PAG1: variants seen among roughly 807,000 people sequenced by gnomAD.
PAG1 encodes phosphoprotein associated with glycosphingolipid-enriched microdomains 1.
Under a neutral mutation model 31.7 loss-of-function variants are expected in PAG1, and 23 were observed. The observed-to-expected ratio is 0.73, with a 90% CI of 0.52 to 1.03. The LOEUF (loss-of-function observed/expected upper bound fraction) is 1.03. Among genes scored for constraint, PAG1 ranks in the 50% least tolerant of loss-of-function variants. The pLI, the probability that PAG1 is intolerant of heterozygous loss-of-function variation, is 0.00. For missense variants in PAG1, 473 were observed against 540.7 expected, an observed-to-expected ratio of 0.87 and a Z score of 1.24; for synonymous variants, 214 against 210.3, an observed-to-expected ratio of 1.02 and a Z score of -0.15.
Position 80,982,137 on chromosome 8 carries a change from A to G in PAG1, c.877-1643T>C, listed in dbSNP as rs182753149. ...CACCTCGGCCTCCCAAAGTGTTACG[A>G]TTACAGGCATGAGTCACTGCGCCCA... On this transcript the variant is annotated intron_variant, in intron 7 of 8. Coordinates refer to ENST00000220597, the MANE Select transcript of PAG1 (RefSeq NM_018440.4). Among the ~76,000 whole-genome samples the G allele has an allele frequency of 6.3e-3, 956 of 152,242 alleles. 19 individuals are homozygous for G. Among genetic ancestry groups the G allele is most frequent in the African/African-American group, 0.022 (902 of 41,526 alleles).
At chr8:81,043,932 C>A (rs1221023037) in intron 2 of PAG1, among the ~76,000 whole-genome samples, 1 of 152,188 alleles carries the variant, frequency 6.6e-6, no homozygotes, top group Admixed American at 6.5e-5. Flanking sequence ...CCCTGACTTT[C>A]TAGTTTTGCT....
At chr8:81,091,749 G>A (rs867821054) in intron 1 of PAG1, among the ~76,000 whole-genome samples, 11 of 152,042 alleles carry the variant, frequency 7.2e-5, no homozygotes, top group Middle Eastern at 3.4e-3. Flanking sequence ...CTCCATGAAA[G>A]CTTCAACAAG....
At chr8:80,997,351 G>T (rs1807701099) in intron 3 of PAG1, among the ~76,000 whole-genome samples, 1 of 152,090 alleles carries the variant, frequency 6.6e-6, no homozygotes, top group African/African-American at 2.4e-5. Flanking sequence ...GATTACTGCA[G>T]CCTCGACCTC....
intron 3 of PAG1, among the ~76,000 whole-genome samples, chr8:81,025,063 C>T (rs1220173142): frequency 6.6e-6 from 1 of 152,120 alleles, no homozygotes; most frequent in African/African-American, 2.4e-5. Context: ...CAATAGCTAT[C>T]AGTTTAAAAA....
At chr8:81,102,680 A>G (rs561666494) in intron 1 of PAG1, among the ~76,000 whole-genome samples, 1 of 152,326 alleles carries the variant, frequency 6.6e-6, no homozygotes, top group Admixed American at 6.5e-5. Context: ...CTTCAATAGT[A>G]GCAAAATTAG....
intron 1 of PAG1, among the ~76,000 whole-genome samples, chr8:81,100,844 T>G (rs1416020564): frequency 6.6e-6 from 1 of 152,202 alleles, no homozygotes; most frequent in Non-Finnish European, 1.5e-5. Flanking sequence ...GGCTGACAGT[T>G]TTTAGGAAAT....
intron 1 of PAG1, among the ~76,000 whole-genome samples, chr8:81,074,931 G>A (rs1422629753): frequency 6.6e-6 from 1 of 152,162 alleles, no homozygotes; most frequent in Non-Finnish European, 1.5e-5. Flanking sequence ...TCATGCTCTT[G>A]TTCTGCCAGG....
At position 80,990,222 on chromosome 8, in the gene PAG1, G is replaced by A. The variant is rs775938494; in HGVS notation, c.177+1257C>T. 6.6e-6 allele frequency among the ~76,000 whole-genome samples: 1 copy of A among 152,120 alleles called. No individual in the cohort carries two copies. The highest frequency in any genetic ancestry group is 1.5e-5 in the Non-Finnish European group (1 of 68,012). On this transcript the variant is annotated intron_variant, in intron 5 of 8. Coordinates refer to ENST00000220597, the MANE Select transcript of PAG1 (RefSeq NM_018440.4). This position sits in a 1 kb window ranked among gnomAD's most constrained non-coding sequence, Gnocchi z 5.1. ...CGAAGGGTGAGGTGGGCATGTGGAT[G>A]CAGAGGGGAGGGAAGGAAAATCCTG...
In PAG1 at chr8:80,987,441, C is replaced by G; in HGVS notation, c.203G>C (p.Arg68Pro). 1 of 1,613,622 alleles carries G rather than the reference C, an allele frequency of 6.2e-7. No homozygotes were observed. Among genetic ancestry groups the G allele is most frequent in the Non-Finnish European group, 8.5e-7 (1 of 1,179,602 alleles). ...NVPSDKEMFS[R>P]SVTSLATDAP... is the part of the protein sequence containing the mutation. ...ATCTGTTGCCAGGCTAGTAACTGAA[C>G]GGCTGAACATCTCCTTGTCTGAAGG... The change falls in exon 6 of 9, where the codon CGT (arginine) becomes CCT (proline). Residue 68 changes from arginine to proline, a missense_variant. Physicochemically the swap from Arg to Pro is moderately radical, Grantham distance 103. Transcript: ENST00000220597.
In PAG1 at chr8:80,969,487, A is replaced by G; in HGVS notation, c.*7057T>C. ...CTCTTTAAGCTTAAGAAAAGGAAATAGTTTGCTTTAAACTCATGGTTTCCA... is the reference window on the plus strand; with the variant it reads ...CTCTTTAAGCTTAAGAAAAGGAAATGGTTTGCTTTAAACTCATGGTTTCCA... On this transcript the variant is annotated 3_prime_UTR_variant, in exon 9 of 9. Transcript: ENST00000220597. 1 of 152,228 alleles carries G rather than the reference A, an allele frequency of 6.6e-6. No homozygotes were observed. The highest frequency in any genetic ancestry group is 1.9e-4 in the East Asian group (1 of 5,192). 9.4% of individuals were successfully genotyped at this position (152,228 alleles called of 1,614,324 possible).
chr8:80,987,238 T>C, intron 6 of PAG1, 132 bp downstream of exon 6: 1 of 631,150 alleles, frequency 1.6e-6, no homozygotes, highest in Non-Finnish European at 2.9e-6. Context: ...TGAGGGGTTC[T>C]GCTAAAACTG....
At chr8:81,018,425 G>C (rs1163029373) in intron 3 of PAG1, among the ~76,000 whole-genome samples, 2 of 152,170 alleles carry the variant, frequency 1.3e-5, no homozygotes, top group Non-Finnish European at 2.9e-5. Context: ...TGCTTTCCTA[G>C]TACATAAGTG....
At chr8:81,055,748 GCT>G (rs1369625352) in intron 2 of PAG1, among the ~76,000 whole-genome samples, 3 of 152,052 alleles carry the variant, frequency 2.0e-5, no homozygotes, top group African/African-American at 7.2e-5. Context: ...TCATGATTTG[GCT>G]CTCTGTTTGT....
Position 81,111,942 on chromosome 8 carries a change from A to G in PAG1, c.-585T>C, listed in dbSNP as rs996364660. ...CAATTAGGGACCTGCCAGGAGAAAA[A>G]CCGATGCGCTGCCGCAGGCAGAGCC... On this transcript the variant is annotated 5_prime_UTR_variant, in exon 1 of 9. Transcript: ENST00000220597. The G allele has an allele frequency of 6.6e-6, 1 of 151,964 alleles. No homozygotes were observed. The highest frequency in any genetic ancestry group is 2.4e-5 in the African/African-American group (1 of 41,366). 9.4% of individuals were successfully genotyped at this position (151,964 alleles called of 1,614,324 possible).
chr8:81,105,934 G>T (rs1283873370), intron 1 of PAG1, among the ~76,000 whole-genome samples: 2 of 152,174 alleles, frequency 1.3e-5, no homozygotes, highest in African/African-American at 4.8e-5. Flanking sequence ...AAAATCAAGA[G>T]AACCTGATTA....
chr8:81,106,865 G>A (rs1397252622), intron 1 of PAG1, among the ~76,000 whole-genome samples: 3 of 152,156 alleles, frequency 2.0e-5, no homozygotes, highest in African/African-American at 7.2e-5. Context: ...ACACGTTTAA[G>A]CCTTACTGGT....
intron 2 of PAG1, among the ~76,000 whole-genome samples, chr8:81,049,104 C>T (rs979061879): frequency 6.6e-6 from 1 of 152,062 alleles, no homozygotes; most frequent in African/African-American, 2.4e-5. Context: ...TCCTGCAGAG[C>T]AAACCTAATT....
chr8:81,087,581 T>C (rs1181638104), intron 1 of PAG1, among the ~76,000 whole-genome samples: 1 of 152,158 alleles, frequency 6.6e-6, no homozygotes, highest in East Asian at 1.9e-4. Context: ...ACAACAGAAC[T>C]GTATTCAGCA....
chr8:81,051,303 C>T (rs1699471808), intron 2 of PAG1, among the ~76,000 whole-genome samples: 1 of 152,174 alleles, frequency 6.6e-6, no homozygotes, highest in Non-Finnish European at 1.5e-5. Flanking sequence ...GGCAGGTGCC[C>T]TTTAAAAACG....
Sources: allele counts gnomAD v4.1 joint callset (sites outside exome capture counted in the v4.1 genomes callset), GRCh38; gene constraint gnomAD v4.1.1; non-coding constraint Gnocchi (gnomAD v3.1); transcripts MANE v1.5; gene names NCBI Gene and HGNC (gene_info 2026-07-23, HGNC 2026-07-21).